Variants in EIF2AK2 observed in about 807,000 individuals in gnomAD.
EIF2AK2 encodes the protein interferon-induced, double-stranded RNA-activated protein kinase.
A neutral mutation model predicts 70.5 loss-of-function variants in EIF2AK2; 40 were observed. The ratio of observed to expected loss-of-function variants is 0.57; its 90% CI spans 0.44 to 0.74. EIF2AK2 has a LOEUF of 0.74. Among genes scored for constraint, EIF2AK2 ranks in the 30% least tolerant of loss-of-function variants. The pLI is 0.00. For synonymous variants in EIF2AK2, 198 were observed against 220.9 expected, an observed-to-expected ratio of 0.90 and a Z score of 0.92; for missense variants, 555 against 644.3, an observed-to-expected ratio of 0.86 and a Z score of 1.50.
At chr2:37,111,855 C>A (rs1461646495) in intron 14 of EIF2AK2, among the ~76,000 whole-genome samples, 2 of 82,694 alleles carry the variant, frequency 2.4e-5, no homozygotes, top group Non-Finnish European at 4.5e-5. Context: ...AAGCAAGACC[C>A]TGTCTCAAAA....
chr2:37,139,188 G>A (rs566786809), intron 6 of EIF2AK2, among the ~76,000 whole-genome samples: 2 of 151,796 alleles, frequency 1.3e-5, no homozygotes, highest in South Asian at 2.1e-4. Context: ...GGTAGCAGGC[G>A]CTTGTAGTCC....
At chr2:37,140,973 T>A (rs1390787042) in intron 5 of EIF2AK2, among the ~76,000 whole-genome samples, 1 of 152,252 alleles carries the variant, frequency 6.6e-6, no homozygotes, top group Non-Finnish European at 1.5e-5. Context: ...TTCTTTATCC[T>A]ATTTCCACAC....
chr2:37,133,176 A>G (rs532130856), intron 10 of EIF2AK2, among the ~76,000 whole-genome samples: 1 of 152,282 alleles, frequency 6.6e-6, no homozygotes, highest in Non-Finnish European at 1.5e-5. Flanking sequence ...CCAAACACAT[A>G]AAGACTGGGT....
At chr2:37,124,474 T>C (rs535075071) in intron 11 of EIF2AK2, among the ~76,000 whole-genome samples, 110 of 152,186 alleles carry the variant, frequency 7.2e-4, no homozygotes, top group African/African-American at 2.5e-3. Flanking sequence ...GTTGGCCAGA[T>C]GGCCTCAGTC....
At chr2:37,117,447 G>C (rs971331130) in intron 13 of EIF2AK2, among the ~76,000 whole-genome samples, 27 of 151,716 alleles carry the variant, frequency 1.8e-4, no homozygotes, top group African/African-American at 6.5e-4. Flanking sequence ...CGAGGTGGGA[G>C]GATTGCTTGA....
chr2:37,147,175 G>A (rs946299828), intron 3 of EIF2AK2, among the ~76,000 whole-genome samples: 6 of 151,992 alleles, frequency 3.9e-5, no homozygotes, highest in Non-Finnish European at 8.8e-5. Context: ...TTTCTCTCTG[G>A]AGTCAACTGT....
At chr2:37,115,678 G>A (rs1674317786) in intron 13 of EIF2AK2, among the ~76,000 whole-genome samples, 1 of 152,020 alleles carries the variant, frequency 6.6e-6, no homozygotes, top group Admixed American at 6.6e-5. Context: ...TTCCAACTTT[G>A]AGATTCTCGG....
At chr2:37,126,252 C>A in intron 11 of EIF2AK2, 37 bp downstream of exon 11, 2 of 1,547,790 alleles carry the variant, frequency 1.3e-6, no homozygotes, top group Non-Finnish European at 1.7e-6. Flanking sequence ...TTCAGCGTAC[C>A]TTGCCATTCA....
In EIF2AK2 at chr2:37,107,171, A is replaced by G; in HGVS notation, c.*102T>C. 3 of 1,332,264 alleles carry G rather than the reference A, an allele frequency of 2.3e-6. No individual in the cohort carries two copies. The highest frequency in any genetic ancestry group is 3.0e-6 in the Non-Finnish European group (3 of 1,012,620). 82.5% of individuals were successfully genotyped at this position (1,332,264 alleles called of 1,614,324 possible). A position where few individuals can be genotyped will look rare whatever the true frequency, so the allele number is the denominator to read the frequency against. ...TAAAAATAGTAAAAAATTAAAGGAA[A>G]CATTAAAATAAAAGGTAAATATCTA... On this transcript the variant is annotated 3_prime_UTR_variant, in exon 17 of 17. Transcript: ENST00000233057.
At position 37,103,699 on chromosome 2, in the gene EIF2AK2, C is replaced by T. The variant is rs1435655884; in HGVS notation, c.*3574G>A. Reference sequence around the variant, plus strand: ...AATACAACAAACACCTGTGTACTGTCATCTAGATTTACCAATTGTACAATG... The same window carrying T: ...AATACAACAAACACCTGTGTACTGTTATCTAGATTTACCAATTGTACAATG... On this transcript the variant is annotated 3_prime_UTR_variant, in exon 17 of 17. Coordinates refer to ENST00000233057, the MANE Select transcript of EIF2AK2 (RefSeq NM_001135651.3). 2 of 152,166 alleles carry T rather than the reference C, an allele frequency of 1.3e-5. No homozygotes were observed. The highest frequency in any genetic ancestry group is 3.8e-4 in the East Asian group (2 of 5,196). The allele number at this position is 152,166 out of a possible 1,614,324, so 9.4% of individuals were successfully genotyped here. A position where few individuals can be genotyped will look rare whatever the true frequency, so the allele number is the denominator to read the frequency against.
At chr2:37,140,210 G>A (rs1389661119) in intron 5 of EIF2AK2, among the ~76,000 whole-genome samples, 2 of 151,512 alleles carry the variant, frequency 1.3e-5, no homozygotes, top group African/African-American at 2.4e-5. Flanking sequence ...GCAAAGCATG[G>A]ATTCTGCTCT....
chr2:37,121,126 G>A (rs1573008846), intron 12 of EIF2AK2, among the ~76,000 whole-genome samples: 1 of 149,232 alleles, frequency 6.7e-6, no homozygotes, highest in African/African-American at 2.4e-5. Context: ...AGCCGGGCGT[G>A]GTGGCGGGCG....
chr2:37,108,807 T>C (rs958498405), intron 15 of EIF2AK2, among the ~76,000 whole-genome samples: 4 of 152,206 alleles, frequency 2.6e-5, no homozygotes, highest in African/African-American at 9.7e-5. Context: ...TGACTTCAAG[T>C]GATCTGCCTG....
At chr2:37,142,491 TTTTTTTA>T (rs1675369805) in intron 4 of EIF2AK2, among the ~76,000 whole-genome samples, 1 of 152,118 alleles carries the variant, frequency 6.6e-6, no homozygotes, top group South Asian at 2.1e-4. Flanking sequence ...ATTGATCTTT[TTTTTTTA>T]TTTTTTATTT....
At chr2:37,145,916 C>A (rs773291803) in intron 4 of EIF2AK2, among the ~76,000 whole-genome samples, 15 of 151,602 alleles carry the variant, frequency 9.9e-5, no homozygotes, top group Non-Finnish European at 2.1e-4. Flanking sequence ...CCACGCCCAG[C>A]TAATTTTTTG....
Position 37,122,514 on chromosome 2 carries a change from A to G in EIF2AK2, c.1059T>C (p.Asn353=), listed in dbSNP as rs1275306676. Reference sequence around the variant, plus strand: ...AATTTATTTTTAGTTACCTTGAACTATTTTTGCTGTTCTCAGGATCATAAT... The same window carrying G: ...AATTTATTTTTAGTTACCTTGAACTGTTTTTGCTGTTCTCAGGATCATAAT... ...SSDYDPENSK[N]SSRSKTKCLF... The change falls in exon 12 of 17, where the codon AAT becomes AAC. Residue 353 remains asparagine (N), a synonymous_variant. Coordinates refer to ENST00000233057, the MANE Select transcript of EIF2AK2 (RefSeq NM_001135651.3). 2 of 1,611,630 alleles carry G rather than the reference A, an allele frequency of 1.2e-6. No homozygotes were observed. The highest frequency in any genetic ancestry group is 1.7e-5 in the Admixed American group (1 of 59,190).
At chr2:37,130,966 A>G (rs1478489962) in intron 10 of EIF2AK2, among the ~76,000 whole-genome samples, 2 of 152,236 alleles carry the variant, frequency 1.3e-5, no homozygotes, top group African/African-American at 4.8e-5. Context: ...GATTAATCAT[A>G]ACTCCAAATA....
In EIF2AK2 at chr2:37,114,714, C is replaced by G; in HGVS notation, c.1377+17G>C. On this transcript the variant is annotated intron_variant, in intron 14 of 16. Coordinates refer to ENST00000233057, the MANE Select transcript of EIF2AK2 (RefSeq NM_001135651.3). Reference sequence around the variant, plus strand: ...ATAAAAGAAGTAAAATATAGACAGACAGGAAAGAGACCTTACCTGTTCTGG... The same window carrying G: ...ATAAAAGAAGTAAAATATAGACAGAGAGGAAAGAGACCTTACCTGTTCTGG... 1 of 1,527,458 alleles carries G rather than the reference C, an allele frequency of 6.5e-7. No individual in the cohort carries two copies. The highest frequency in any genetic ancestry group is 8.7e-7 in the Non-Finnish European group (1 of 1,144,034). 94.6% of individuals were successfully genotyped at this position (1,527,458 alleles called of 1,614,324 possible).
intron 4 of EIF2AK2, among the ~76,000 whole-genome samples, chr2:37,146,615 T>A (rs908952525): frequency 2.0e-5 from 3 of 152,178 alleles, no homozygotes; most frequent in African/African-American, 7.2e-5. Flanking sequence ...AACTTTAGAG[T>A]ATTTAACTGC....
Sources: gnomAD v4.1 joint callset for allele counts (sites outside exome capture counted in the v4.1 genomes callset) on GRCh38, gnomAD v4.1.1 for gene constraint, MANE v1.5 for transcripts, NCBI Gene and HGNC (gene_info 2026-07-23, HGNC 2026-07-21) for gene names.